HNRNPLL: variants seen among roughly 807,000 people sequenced by gnomAD.
The protein encoded by HNRNPLL is heterogeneous nuclear ribonucleoprotein L like.
In HNRNPLL, 25 loss-of-function variants were observed where a neutral mutation model predicts 67.1. That is an observed-to-expected ratio of 0.37 (90% CI 0.27 to 0.52). The LOEUF is 0.52. HNRNPLL is among the 20% of genes least tolerant of loss of function. HNRNPLL has a pLI of 0.90. For missense variants in HNRNPLL, 542 were observed against 673.9 expected (o/e 0.80, Z 2.17); for synonymous variants, 267 against 241.7 (o/e 1.10, Z -0.97).
Position 38,591,593 on chromosome 2 carries a change from C to G in HNRNPLL, c.245G>C (p.Gly82Ala). The G allele has an allele frequency of 6.2e-7, 1 of 1,614,046 alleles. No homozygotes were observed. The highest frequency in any genetic ancestry group is 1.1e-5 in the South Asian group (1 of 91,072). Reference sequence around the variant, plus strand: ...TGCTTCCACCACAGATTCACAGAGTCCTCGAACATGGACGACGGGTGAAAC... The same window carrying G: ...TGCTTCCACCACAGATTCACAGAGTGCTCGAACATGGACGACGGGTGAAAC... Reference protein sequence around the residue: ...VSVSPVVHVRGLCESVVEADL... With the variant: ...VSVSPVVHVRALCESVVEADL... The change falls in exon 2 of 13, where the codon GGA (glycine) becomes GCA (alanine). Residue 82 changes from glycine to alanine, a missense_variant. Transcript: ENST00000449105.
At position 38,583,152 on chromosome 2, in the gene HNRNPLL, A is replaced by G. The variant is rs183325157; in HGVS notation, c.632+689T>C. On this transcript the variant is annotated intron_variant, in intron 4 of 12. Transcript: ENST00000449105. The stretch of plus-strand genomic sequence containing the variant: ...ATAGTTTTATAATACTCTATCTAAA[A>G]TTTTATCAGTTTTTAAAAAAATTAC... Among the ~76,000 whole-genome samples, 72 of 152,306 alleles carry G rather than the reference A, an allele frequency of 4.7e-4. 4 individuals are homozygous for G. In the East Asian group the frequency reaches 0.014, roughly 29 times the overall value.
chr2:38,599,534 T>C (rs1667337648), intron 1 of HNRNPLL, among the ~76,000 whole-genome samples: 2 of 152,164 alleles, frequency 1.3e-5, no homozygotes, highest in African/African-American at 4.8e-5. Context: ...TATTCAACAA[T>C]GCAGCTCAGT....
intron 1 of HNRNPLL, among the ~76,000 whole-genome samples, chr2:38,598,469 G>C (rs894854293): frequency 1.3e-5 from 2 of 152,112 alleles, no homozygotes; most frequent in African/African-American, 2.4e-5. Context: ...CTCCCTTTTT[G>C]TTTTCCTTAA....
chr2:38,577,345 T>C (rs1666338035), intron 7 of HNRNPLL, 116 bp downstream of exon 7: 6 of 703,904 alleles, frequency 8.5e-6, no homozygotes, highest in Admixed American at 2.2e-5. Context: ...ACTGATCCCA[T>C]ATAAACCGAG....
rs138377548 is a variant in HNRNPLL at position 38,585,376 on chromosome 2, A to G, written c.546+268T>C. Among the ~76,000 whole-genome samples, 31 of 152,364 alleles carry G rather than the reference A, an allele frequency of 2.0e-4. 2 individuals carry two copies. In the East Asian group the frequency reaches 4.2e-3, roughly 21 times the overall value. ...TGAACGATTTCAAACAAGTCTGTCTATAATTCCTTATTATCAAAAACAGAA... is the reference window on the plus strand; with the variant it reads ...TGAACGATTTCAAACAAGTCTGTCTGTAATTCCTTATTATCAAAAACAGAA... On this transcript the variant is annotated intron_variant, in intron 3 of 12. Transcript: ENST00000449105.
intron 7 of HNRNPLL, among the ~76,000 whole-genome samples, chr2:38,575,347 CTACA>C (rs1666259762): frequency 6.6e-6 from 1 of 151,724 alleles, no homozygotes; most frequent in Non-Finnish European, 1.5e-5. Context: ...TGGAAAAATG[CTACA>C]TAAATGGTAT....
At chr2:38,568,469 A>C in intron 10 of HNRNPLL, 26 bp from the exon 11 acceptor site, 1 of 1,470,794 alleles carries the variant, frequency 6.8e-7, no homozygotes, top group East Asian at 2.3e-5. Context: ...AAACTTCATT[A>C]AAAATATAGC....
rs1667504563 is a variant in HNRNPLL at position 38,602,739 on chromosome 2, C to G, written c.-113G>C. On this transcript the variant is annotated 5_prime_UTR_variant, in exon 1 of 13. Transcript: ENST00000449105. ...GGCAGCGCCTCTTCTGCGAGGGTCT[C>G]CGCGGCCCGGCCGTCCGCGGGGACT... 2.0e-6 allele frequency: 3 copies of G among 1,497,166 alleles called. No individual in the cohort carries two copies. Among genetic ancestry groups the G allele is most frequent in the Non-Finnish European group, 2.7e-6 (3 of 1,122,594 alleles). The allele number at this position is 1,497,166 out of a possible 1,614,324, so 92.7% of individuals were successfully genotyped here. A position where few individuals can be genotyped will look rare whatever the true frequency, so the allele number is the denominator to read the frequency against.
chr2:38,602,752 G>C lies in HNRNPLL; in HGVS notation c.-126C>G. On this transcript the variant is annotated 5_prime_UTR_variant, in exon 1 of 13. Coordinates refer to ENST00000449105, the MANE Select transcript of HNRNPLL (RefSeq NM_138394.4). ...CTGCGAGGGTCTCCGCGGCCCGGCC[G>C]TCCGCGGGGACTGCGCGGCCAGGAG... The C allele has an allele frequency of 1.3e-6, 2 of 1,508,838 alleles. No individual in the cohort carries two copies. The highest frequency in any genetic ancestry group is 1.8e-6 in the Non-Finnish European group (2 of 1,127,944). The allele number at this position is 1,508,838 out of a possible 1,614,324, so 93.5% of individuals were successfully genotyped here. A position where few individuals can be genotyped will look rare whatever the true frequency, so the allele number is the denominator to read the frequency against.
chr2:38,602,143 A>C (rs974190725), intron 1 of HNRNPLL: 3 of 436,344 alleles, frequency 6.9e-6, no homozygotes, highest in East Asian at 4.8e-5. Flanking sequence ...GAAACCCCCC[A>C]GAGCGGAAGC....
rs1667477076 is a variant in HNRNPLL, at chr2:38,602,352, C to CTGAA, written c.189+82_189+85dup. 3 of 1,338,428 alleles carry CTGAA rather than the reference C, an allele frequency of 2.2e-6. No individual in the cohort carries two copies. In the Admixed American group the frequency reaches 6.9e-5, roughly 31 times the overall value. The allele number at this position is 1,338,428 out of a possible 1,614,324, so 82.9% of individuals were successfully genotyped here. On this transcript the variant is annotated intron_variant, in intron 1 of 12. Coordinates refer to ENST00000449105, the MANE Select transcript of HNRNPLL (RefSeq NM_138394.4). ...GGGTCGGCGCAGCGGAAAAGGCTAA[C>CTGAA]TGAAGCAAGCGGGAGGCCCCGCACC...
intron 2 of HNRNPLL, among the ~76,000 whole-genome samples, chr2:38,586,122 C>T (rs1198836585): frequency 5.3e-5 from 8 of 151,878 alleles, no homozygotes; most frequent in African/African-American, 1.2e-4. Flanking sequence ...CCCGGGTTCA[C>T]GCCATTCTCT....
At chr2:38,571,738 A>C (rs900346145) in intron 8 of HNRNPLL, among the ~76,000 whole-genome samples, 42 of 152,178 alleles carry the variant, frequency 2.8e-4, no homozygotes, top group Non-Finnish European at 4.1e-4. Flanking sequence ...AATTAACTAT[A>C]TATGGATCTT....
At chr2:38,572,099 G>C (rs1004610403) in intron 8 of HNRNPLL, among the ~76,000 whole-genome samples, 2 of 152,160 alleles carry the variant, frequency 1.3e-5, no homozygotes, top group Non-Finnish European at 2.9e-5. Flanking sequence ...GCCTAAGATA[G>C]TGTCTGTGTG....
chr2:38,563,977 A>C lies in HNRNPLL; in HGVS notation c.*205T>G. On this transcript the variant is annotated 3_prime_UTR_variant, in exon 13 of 13. Coordinates refer to ENST00000449105, the MANE Select transcript of HNRNPLL (RefSeq NM_138394.4). Reference sequence around the variant, plus strand: ...TACAATGAAGCTGTAGATAGTCTACATTATGATATTCTATCTTAAAATGAA... The same window carrying C: ...TACAATGAAGCTGTAGATAGTCTACCTTATGATATTCTATCTTAAAATGAA... 1.9e-6 allele frequency: 1 copy of C among 523,524 alleles called. No homozygotes were observed. The highest frequency in any genetic ancestry group is 3.4e-6 in the Non-Finnish European group (1 of 294,636). 32.4% of individuals were successfully genotyped at this position (523,524 alleles called of 1,614,324 possible).
rs1665991515 is a variant in HNRNPLL, at chr2:38,569,576, C to T, written c.1214+228G>A. Among the ~76,000 whole-genome samples the T allele has an allele frequency of 2.0e-5, 3 of 151,930 alleles. No homozygotes were observed. The South Asian group carries it at 6.2e-4, about 32-fold the overall frequency. Reference sequence around the variant, plus strand: ...TAGAAAACTTTAACATAAAAACGTGCCCATTTTAACACGTTTTATCATCAT... The same window carrying T: ...TAGAAAACTTTAACATAAAAACGTGTCCATTTTAACACGTTTTATCATCAT... On this transcript the variant is annotated intron_variant, in intron 9 of 12. Coordinates refer to ENST00000449105, the MANE Select transcript of HNRNPLL (RefSeq NM_138394.4).
Position 38,577,495 on chromosome 2 carries a change from T to C in HNRNPLL, c.840A>G (p.Gly280=), listed in dbSNP as rs1478423583. 1 of 1,610,430 alleles carries C rather than the reference T, an allele frequency of 6.2e-7. No homozygotes were observed. Among genetic ancestry groups the C allele is most frequent in the East Asian group, 2.2e-5 (1 of 44,830 alleles). Residue 280 remains glycine (G), a synonymous_variant, in exon 7 of 13, where the codon GGA becomes GGG. Transcript: ENST00000449105. ...GKGRQRQAIL[G]EHPSSFRHDG... is the part of the protein sequence containing the mutation. ...CATGTCTAAACGAAGAAGGGTGTTC[T>C]CCCAAAATGGCTTGTCTCTGGCGAC... is the stretch of plus-strand genomic sequence containing the variant.
chr2:38,582,513 T>C (rs1169718382), intron 4 of HNRNPLL, among the ~76,000 whole-genome samples: 1 of 152,120 alleles, frequency 6.6e-6, no homozygotes, highest in East Asian at 1.9e-4. Context: ...GGTTTCACCA[T>C]GTTGACCAGG....
chr2:38,601,484 G>A (rs1667431092), intron 1 of HNRNPLL: 1 of 152,152 alleles, frequency 6.6e-6, no homozygotes, highest in African/African-American at 2.4e-5. Context: ...TAACATCTAA[G>A]TCATTAAAAC....
Sources: gnomAD v4.1 joint callset for allele counts (sites outside exome capture counted in the v4.1 genomes callset) on GRCh38, gnomAD v4.1.1 for gene constraint, MANE v1.5 for transcripts, NCBI Gene and HGNC (gene_info 2026-07-23, HGNC 2026-07-21) for gene names.